LRP2: variants seen among roughly 807,000 people sequenced by gnomAD.
LRP2 encodes the protein LDL receptor related protein 2, also known as low-density lipoprotein receptor-related protein 2.
In LRP2, 172 loss-of-function variants were observed where a neutral mutation model predicts 531.0. The observed-to-expected ratio is 0.32, with a 90% CI of 0.29 to 0.37. The LOEUF is 0.37. LRP2 is among the 10% of genes least tolerant of loss of function. LRP2 has a pLI of 1.00. For synonymous variants in LRP2, 1,992 were observed against 2,027.6 expected, an observed-to-expected ratio of 0.98 and a Z score of 0.47; for missense variants, 5,167 against 5,868.3, an observed-to-expected ratio of 0.88 and a Z score of 3.90.
At chr2:169,235,817 G>T in intron 29 of LRP2, 23 bp downstream of exon 29, 2 of 1,566,030 alleles carry the variant, frequency 1.3e-6, no homozygotes, top group South Asian at 1.1e-5. Context: ...GTTTTAATTT[G>T]GTTTTCCTCA....
rs1275451612 is a variant in LRP2 at position 169,146,237 on chromosome 2, A to G, written c.12812-314T>C. 2.0e-5 allele frequency among the ~76,000 whole-genome samples: 3 copies of G among 152,196 alleles called. No homozygotes were observed. The East Asian group carries it at 5.8e-4, about 29-fold the overall frequency. ...AAAACAATTTAAATGGCAAGATTTT[A>G]TGTTTTCTTTTGAACATAAGACATC... On this transcript the variant is annotated intron_variant, in intron 69 of 78. Coordinates refer to ENST00000649046, the MANE Select transcript of LRP2 (RefSeq NM_004525.3).
intron 4 of LRP2, among the ~76,000 whole-genome samples, chr2:169,294,940 C>T (rs746458023): frequency 2.0e-5 from 3 of 151,956 alleles, no homozygotes. Context: ...GGGATAAGTG[C>T]TAATGTGGAA....
intron 38 of LRP2, 113 bp from the exon 39 acceptor site, chr2:169,207,363 G>C: frequency 1.3e-6 from 1 of 767,906 alleles, no homozygotes; most frequent in Non-Finnish European, 2.2e-6. Flanking sequence ...GTCACTATAT[G>C]TTGTCTTTTC....
At chr2:169,316,409 A>G (rs1303791555) in intron 3 of LRP2, among the ~76,000 whole-genome samples, 1 of 152,202 alleles carries the variant, frequency 6.6e-6, no homozygotes, top group Non-Finnish European at 1.5e-5. Flanking sequence ...TACTTTCATT[A>G]TGAAATATGT....
rs182408956 is a variant in LRP2 at position 169,131,433 on chromosome 2, C to T, written c.13728+1141G>A. Reference sequence around the variant, plus strand: ...ATGTTTAAGGTGATAATGAGACTGCCAAGTTACCAAGATATCAATGTTTAT... The same window carrying T: ...ATGTTTAAGGTGATAATGAGACTGCTAAGTTACCAAGATATCAATGTTTAT... On this transcript the variant is annotated intron_variant, in intron 77 of 78. Coordinates refer to ENST00000649046, the MANE Select transcript of LRP2 (RefSeq NM_004525.3). 4.1e-4 allele frequency among the ~76,000 whole-genome samples: 62 copies of T among 152,126 alleles called. No individual in the cohort carries two copies. The East Asian group carries it at 7.1e-3, about 18-fold the overall frequency.
intron 56 of LRP2, among the ~76,000 whole-genome samples, chr2:169,173,683 G>A (rs946523940): frequency 2.0e-5 from 3 of 152,152 alleles, no homozygotes; most frequent in Non-Finnish European, 2.9e-5. Flanking sequence ...TATTCTGGTT[G>A]GTTAGACATT....
intron 4 of LRP2, among the ~76,000 whole-genome samples, chr2:169,297,130 G>A (rs1041274681): frequency 6.6e-6 from 1 of 151,940 alleles, no homozygotes; most frequent in African/African-American, 2.4e-5. Context: ...TTCCCTCTTT[G>A]GAGACCCACA....
At chr2:169,284,061 T>A (rs1405708483) in intron 9 of LRP2, among the ~76,000 whole-genome samples, 1 of 151,942 alleles carries the variant, frequency 6.6e-6, no homozygotes, top group Admixed American at 6.6e-5. Context: ...TTCAGGAAGT[T>A]CTCAAGTAGA....
chr2:169,359,028 AG>A (rs2105588731), intron 1 of LRP2, among the ~76,000 whole-genome samples: 1 of 152,170 alleles, frequency 6.6e-6, no homozygotes, highest in Admixed American at 6.5e-5. Flanking sequence ...AAATGGAAAT[AG>A]GAATAGGAAG....
At chr2:169,266,226 G>A (rs1294535744) in intron 16 of LRP2, among the ~76,000 whole-genome samples, 1 of 151,856 alleles carries the variant, frequency 6.6e-6, no homozygotes, top group African/African-American at 2.4e-5. Context: ...ATGTAAGAAA[G>A]CAAAACGCTC....
rs751451867 is a variant in LRP2, at chr2:169,239,493, C to A, written c.4294+34G>T. The A allele has an allele frequency of 3.7e-6, 6 of 1,613,752 alleles. No individual in the cohort carries two copies. The East Asian group carries it at 1.3e-4, about 36-fold the overall frequency. The stretch of plus-strand genomic sequence containing the variant: ...ATTTGATTTTAAGCTCTGGGATGTG[C>A]TGATAAACTGGCTCGGGTTAGTTCA... On this transcript the variant is annotated intron_variant, in intron 26 of 78. Transcript: ENST00000649046.
chr2:169,156,495 A>G (rs1686335938), intron 64 of LRP2, 90 bp from the exon 65 acceptor site: 2 of 1,439,054 alleles, frequency 1.4e-6, no homozygotes, highest in East Asian at 2.3e-5. Context: ...TTCACCAGCA[A>G]TGAGGACCGA....
chr2:169,172,682 C>T (rs548610178), intron 57 of LRP2, among the ~76,000 whole-genome samples: 13 of 152,252 alleles, frequency 8.5e-5, no homozygotes, highest in Admixed American at 7.8e-4. Flanking sequence ...ATGAAAATCC[C>T]CAAATAAGAA....
chr2:169,201,359 A>G lies in LRP2; in HGVS notation c.8452+269T>C, dbSNP rs146411208. ...GTAAGCACTTTTGATTTTGCCAGGC[A>G]TTATAATGGCATGGTAGTTATTTTC... On this transcript the variant is annotated intron_variant, in intron 44 of 78. Transcript: ENST00000649046. Among the ~76,000 whole-genome samples the G allele has an allele frequency of 0.011, 1,716 of 152,316 alleles. 24 individuals are homozygous for G. Among genetic ancestry groups the G allele is most frequent in the African/African-American group, 0.039 (1,623 of 41,578 alleles).
rs1368772868 is a variant in LRP2, at chr2:169,238,312, A to G, written c.4295-10T>C. The G allele has an allele frequency of 6.3e-7, 1 of 1,587,528 alleles. No individual in the cohort carries two copies. The highest frequency in any genetic ancestry group is 8.6e-7 in the Non-Finnish European group (1 of 1,156,120). The stretch of plus-strand genomic sequence containing the variant: ...AGCAGACTCTCAGATGCTGTTCAAG[A>G]AAAAAATGCAAAAATGTCAATGATA... On this transcript the variant is annotated splice_polypyrimidine_tract_variant and intron_variant, in intron 26 of 78. Coordinates refer to ENST00000649046, the MANE Select transcript of LRP2 (RefSeq NM_004525.3).
In LRP2 at chr2:169,200,095, C is replaced by T. The variant is rs373539136; in HGVS notation, c.8453-1184G>A. 2.8e-3 allele frequency among the ~76,000 whole-genome samples: 427 copies of T among 152,000 alleles called. 2 individuals carry two copies. Among genetic ancestry groups the T allele is most frequent in the African/African-American group, 9.4e-3 (390 of 41,486 alleles). On this transcript the variant is annotated intron_variant, in intron 44 of 78. Transcript: ENST00000649046. ...GAAACCTCGTCTCTACTAAAAAATA[C>T]AAAAAATTAGCCAGGCATGGTGGCG... is the stretch of plus-strand genomic sequence containing the variant.
At chr2:169,196,365 A>G (rs1232630920) in intron 46 of LRP2, among the ~76,000 whole-genome samples, 1 of 152,234 alleles carries the variant, frequency 6.6e-6, no homozygotes, top group African/African-American at 2.4e-5. Flanking sequence ...ATGGATATAG[A>G]TTAGAATTTG....
intron 18 of LRP2, among the ~76,000 whole-genome samples, chr2:169,256,454 T>G (rs1690307405): frequency 6.6e-6 from 1 of 152,172 alleles, no homozygotes; most frequent in Non-Finnish European, 1.5e-5. Flanking sequence ...CTTAGAAAAC[T>G]TAAAATGTTG....
Position 169,273,005 on chromosome 2 carries a change from T to C in LRP2, c.2038A>G (p.Thr680Ala), listed in dbSNP as rs1347078828. 2 of 1,613,768 alleles carry C rather than the reference T, an allele frequency of 1.2e-6. No individual in the cohort carries two copies. The highest frequency in any genetic ancestry group is 2.2e-5 in the South Asian group (2 of 91,082). ...CEQVCVLSHR[T>A]DNDGLGFRCK... is the part of the protein sequence containing the mutation. ...CGGAAACCCAAACCATCATTATCTGTTCTGTGGCTGAGGACACAGACCTGC... is the reference window on the plus strand; with the variant it reads ...CGGAAACCCAAACCATCATTATCTGCTCTGTGGCTGAGGACACAGACCTGC... The change falls in exon 15 of 79, where the codon ACA (threonine) becomes GCA (alanine). Residue 680 changes from threonine (T) to alanine (A), a missense_variant. This residue lies in a region of LRP2 where 2,811 missense variants were observed against 3,058.0 expected (regional missense o/e 0.92). Coordinates refer to ENST00000649046, the MANE Select transcript of LRP2 (RefSeq NM_004525.3).
Sources: gnomAD v4.1 joint callset for allele counts (sites outside exome capture counted in the v4.1 genomes callset) on GRCh38, gnomAD v4.1.1 for gene constraint, gnomAD v4.1.1 regional missense constraint, MANE v1.5 for transcripts, NCBI Gene and HGNC (gene_info 2026-07-23, HGNC 2026-07-21) for gene names.